MAN2B2: variants seen among roughly 807,000 people sequenced by gnomAD.
The protein encoded by MAN2B2 is epididymis-specific alpha-mannosidase.
In MAN2B2, 106 loss-of-function variants were observed where a neutral mutation model predicts 117.1. The observed-to-expected ratio is 0.90, with a 90% CI of 0.77 to 1.06. The LOEUF (loss-of-function observed/expected upper bound fraction) is 1.06. Among genes scored for constraint, MAN2B2 ranks in the 50% least tolerant of loss-of-function variants. MAN2B2 has a pLI of 0.00. For synonymous variants in MAN2B2, 544 were observed against 595.1 expected, an observed-to-expected ratio of 0.91 and a Z score of 1.25; for missense variants, 1,326 against 1,381.4, an observed-to-expected ratio of 0.96 and a Z score of 0.64.
rs964737406 is a variant in MAN2B2 at position 6,617,296 on chromosome 4, G to C, written c.2702-84G>C. On this transcript the variant is annotated intron_variant, in intron 16 of 18. Transcript: ENST00000285599. ...GGTTACAGATAGGAAATGGAGCTGAGTGTGTAAAGCAGCGGGTATAGACCA... is the reference window on the plus strand; with the variant it reads ...GGTTACAGATAGGAAATGGAGCTGACTGTGTAAAGCAGCGGGTATAGACCA... 10 of 981,842 alleles carry C rather than the reference G, an allele frequency of 1.0e-5. No individual in the cohort carries two copies. The Middle Eastern group carries it at 1.6e-3, about 155-fold the overall frequency. 60.8% of individuals were successfully genotyped at this position (981,842 alleles called of 1,614,324 possible).
intron 11 of MAN2B2, among the ~76,000 whole-genome samples, chr4:6,607,859 AG>A (rs754130527): frequency 6.6e-6 from 1 of 152,152 alleles, no homozygotes; most frequent in Non-Finnish European, 1.5e-5. Context: ...GCAGCAGATG[AG>A]GGTTCTGATT....
In MAN2B2 at chr4:6,593,556, G is replaced by A. The variant is rs138145675; in HGVS notation, c.858+206G>A. ...CACCTGGAAAAGCACCCTCACCCACGCTGGCCTCTCCAGCTCCCACTCAGC... is the reference window on the plus strand; with the variant it reads ...CACCTGGAAAAGCACCCTCACCCACACTGGCCTCTCCAGCTCCCACTCAGC... On this transcript the variant is annotated intron_variant, in intron 6 of 18. Transcript: ENST00000285599. 2.1e-3 allele frequency among the ~76,000 whole-genome samples: 322 copies of A among 152,232 alleles called. 3 individuals carry two copies. Among genetic ancestry groups the A allele is most frequent in the African/African-American group, 7.4e-3 (308 of 41,546 alleles).
intron 3 of MAN2B2, among the ~76,000 whole-genome samples, chr4:6,581,143 A>AGAAGTTTGAG (rs1726413470): frequency 6.6e-6 from 1 of 152,060 alleles, no homozygotes. Flanking sequence ...TTATTTGTAG[A>AGAAGTTTGAG]GAAGTTTGAG....
intron 16 of MAN2B2, 138 bp from the exon 17 acceptor site, chr4:6,617,242 T>C (rs904290624): frequency 1.6e-6 from 1 of 632,104 alleles, no homozygotes; most frequent in Non-Finnish European, 2.8e-6. Flanking sequence ...TGAGATTTGG[T>C]TGGGGACACA....
intron 18 of MAN2B2, chr4:6,620,455 CA>C: frequency 4.9e-6 from 1 of 202,308 alleles, no homozygotes; most frequent in Non-Finnish European, 1.0e-5. Flanking sequence ...TCCCTGTCCG[CA>C]CCATGCCCTC....
At chr4:6,614,180 C>A (rs1301145079) in intron 15 of MAN2B2, 38 bp from the exon 16 acceptor site, 1 of 1,603,512 alleles carries the variant, frequency 6.2e-7, no homozygotes, top group Non-Finnish European at 8.5e-7. Context: ...GGAGTTGAGC[C>A]CCAAACCCTC....
chr4:6,607,512 C>T (rs1343791953), intron 11 of MAN2B2, among the ~76,000 whole-genome samples: 1 of 152,212 alleles, frequency 6.6e-6, no homozygotes. Flanking sequence ...ACCCACAACC[C>T]ACTTAGCATG....
chr4:6,609,541 A>G (rs758960778), intron 12 of MAN2B2: 48 of 624,976 alleles, frequency 7.7e-5, no homozygotes, highest in Non-Finnish European at 1.2e-4. Flanking sequence ...CCTGGGGCCC[A>G]CAGAGCACCT....
chr4:6,615,882 C>T (rs1163138203), intron 16 of MAN2B2, among the ~76,000 whole-genome samples: 1 of 152,052 alleles, frequency 6.6e-6, no homozygotes, highest in Admixed American at 6.5e-5. Flanking sequence ...TGGCTCACTG[C>T]AACCTCCACC....
Position 6,611,079 on chromosome 4 carries a change from C to A in MAN2B2, c.2371-7C>A. The A allele has an allele frequency of 2.5e-6, 4 of 1,612,348 alleles. No individual in the cohort carries two copies. The highest frequency in any genetic ancestry group is 3.4e-6 in the Non-Finnish European group (4 of 1,178,734). ...AGCCGGGCCTCTCGGACAATGCCTT[C>A]CCGCAGGTCATGCTCCACCGGCGGC... On this transcript the variant is annotated splice_region_variant and splice_polypyrimidine_tract_variant and intron_variant, in intron 14 of 18. Coordinates refer to ENST00000285599, the MANE Select transcript of MAN2B2 (RefSeq NM_015274.3).
intron 11 of MAN2B2, among the ~76,000 whole-genome samples, chr4:6,607,174 T>C (rs1217586594): frequency 2.0e-5 from 3 of 152,182 alleles, no homozygotes; most frequent in Non-Finnish European, 2.9e-5. Context: ...GCAACTCACT[T>C]CTTTCACTTC....
intron 3 of MAN2B2, 51 bp from the exon 4 acceptor site, chr4:6,586,945 G>A (rs780828561): frequency 1.9e-6 from 3 of 1,568,624 alleles, no homozygotes; most frequent in Admixed American, 3.4e-5. Flanking sequence ...ATGGGGCCGG[G>A]AGGCACAGGC....
chr4:6,617,950 TG>T (rs1205554100), intron 17 of MAN2B2: 1 of 170,038 alleles, frequency 5.9e-6, no homozygotes, highest in Admixed American at 6.5e-5. Context: ...CAGGTTCAAG[TG>T]ATTCTCCTGC....
chr4:6,617,060 G>A (rs1342334733), intron 16 of MAN2B2, among the ~76,000 whole-genome samples: 1 of 152,152 alleles, frequency 6.6e-6, no homozygotes, highest in African/African-American at 2.4e-5. Flanking sequence ...CTTACATGGT[G>A]GCAGGCAAGA....
At chr4:6,617,006 G>T (rs1182499900) in intron 16 of MAN2B2, among the ~76,000 whole-genome samples, 1 of 152,204 alleles carries the variant, frequency 6.6e-6, no homozygotes, top group Non-Finnish European at 1.5e-5. Flanking sequence ...GGATAGGGAG[G>T]CCTCACAATC....
In MAN2B2 at chr4:6,600,766, C is replaced by T. The variant is rs751544002; in HGVS notation, c.1539+10C>T. 3 of 1,612,768 alleles carry T rather than the reference C, an allele frequency of 1.9e-6. No homozygotes were observed. Among genetic ancestry groups the T allele is most frequent in the Non-Finnish European group, 2.5e-6 (3 of 1,179,948 alleles). ...CCCAGTGCCCTCGCAGGTATGGACA[C>T]AAAATCCTGCTGGAGGGGCCTTAGC... On this transcript the variant is annotated intron_variant, in intron 10 of 18. Transcript: ENST00000285599.
rs968645539 is a variant in MAN2B2 at position 6,609,023 on chromosome 4, A to T, written c.1815-84A>T. 5 of 1,328,740 alleles carry T rather than the reference A, an allele frequency of 3.8e-6. No individual in the cohort carries two copies. The Admixed American group carries it at 6.4e-5, about 17-fold the overall frequency. 82.3% of individuals were successfully genotyped at this position (1,328,740 alleles called of 1,614,324 possible). On this transcript the variant is annotated intron_variant, in intron 11 of 18. Coordinates refer to ENST00000285599, the MANE Select transcript of MAN2B2 (RefSeq NM_015274.3). ...GTGCTACGCAGGCCACTCAGATGGC[A>T]TCTGGAGAGAGAGGCTTGCCAGCCG...
chr4:6,599,445 G>A (rs1369819399), intron 9 of MAN2B2, among the ~76,000 whole-genome samples: 1 of 151,878 alleles, frequency 6.6e-6, no homozygotes, highest in Non-Finnish European at 1.5e-5. Flanking sequence ...GGTGGATTAC[G>A]AGGTCAGGAG....
intron 3 of MAN2B2, among the ~76,000 whole-genome samples, chr4:6,581,443 C>T (rs1375938814): frequency 6.6e-6 from 1 of 152,148 alleles, no homozygotes; most frequent in South Asian, 2.1e-4. Flanking sequence ...TGTGCCTGGC[C>T]TGGGCTCTTT....
Sources: gnomAD v4.1 joint callset for allele counts (sites outside exome capture counted in the v4.1 genomes callset) on GRCh38, gnomAD v4.1.1 for gene constraint, MANE v1.5 for transcripts, NCBI Gene and HGNC (gene_info 2026-07-23, HGNC 2026-07-21) for gene names.